Variants in IGF1 observed in about 807,000 individuals in gnomAD.
IGF1 encodes the protein insulin like growth factor 1.
In IGF1, 4 loss-of-function variants were observed where a neutral mutation model predicts 13.8. That is an observed-to-expected ratio of 0.29 (90% CI 0.14 to 0.66). The LOEUF (loss-of-function observed/expected upper bound fraction) is 0.66. Ranked by LOEUF, IGF1 falls within the 30% of genes least tolerant of loss-of-function variation. The pLI, the probability that IGF1 is intolerant of heterozygous loss-of-function variation, is 0.78. For missense variants in IGF1, 124 were observed against 188.5 expected (o/e 0.66, Z 2.00); for synonymous variants, 76 against 72.6 (o/e 1.05, Z -0.23).
chr12:102,480,459 G>A lies in IGF1; in HGVS notation c.-78C>T, dbSNP rs1230624821. 1.2e-6 allele frequency: 2 copies of A among 1,605,568 alleles called. No individual in the cohort carries two copies. Among genetic ancestry groups the A allele is most frequent in the African/African-American group, 2.7e-5 (2 of 74,820 alleles). On this transcript the variant is annotated 5_prime_UTR_variant, in exon 1 of 4. Transcript: ENST00000337514. ...CAAAAAGAAATCCAGAGAGATGGGAGATGTTGAGAGCAATGTCACATTTCA... is the reference window on the plus strand; with the variant it reads ...CAAAAAGAAATCCAGAGAGATGGGAAATGTTGAGAGCAATGTCACATTTCA...
At chr12:102,431,202 T>A (rs1255621521) in intron 2 of IGF1, among the ~76,000 whole-genome samples, 2 of 152,244 alleles carry the variant, frequency 1.3e-5, no homozygotes, top group Non-Finnish European at 2.9e-5. Flanking sequence ...AGTTAAGTTC[T>A]CTAACGTGAT....
At position 102,460,698 on chromosome 12, in the gene IGF1, G is replaced by T. The variant is rs75265378; in HGVS notation, c.220+14945C>A. ...TTTCATGAACAGCAGTAAACATTCT[G>T]GAAAAGGTATTAGAGATTATCTTGT... is the stretch of plus-strand genomic sequence containing the variant. On this transcript the variant is annotated intron_variant, in intron 2 of 3. Coordinates refer to ENST00000337514, the MANE Select transcript of IGF1 (RefSeq NM_000618.5). Among the ~76,000 whole-genome samples, 14 of 152,284 alleles carry T rather than the reference G, an allele frequency of 9.2e-5. No individual in the cohort carries two copies. In the East Asian group the frequency reaches 2.7e-3, roughly 29 times the overall value.
At chr12:102,461,933 A>G (rs1405722384) in intron 2 of IGF1, among the ~76,000 whole-genome samples, 2 of 152,236 alleles carry the variant, frequency 1.3e-5, no homozygotes, top group African/African-American at 2.4e-5. Flanking sequence ...GCCACGAATT[A>G]GCAAGTACCT....
chr12:102,453,629 GA>G (rs1879142742), intron 2 of IGF1, among the ~76,000 whole-genome samples: 1 of 152,194 alleles, frequency 6.6e-6, no homozygotes, highest in African/African-American at 2.4e-5. Context: ...CTCTTATGAT[GA>G]AGTTGGAAGA....
chr12:102,441,961 T>TCTTCTTCTTCTTCTTC (rs1592786145), intron 2 of IGF1, among the ~76,000 whole-genome samples: 12 of 13,980 alleles, frequency 8.6e-4, no homozygotes, highest in African/African-American at 1.2e-3. Flanking sequence ...TCTTCTTTTT[T>TCTTCTTCTTCTTCTTC]TTTTTTGAGA....
Position 102,471,969 on chromosome 12 carries a change from C to T in IGF1, c.220+3674G>A, listed in dbSNP as rs569866779. 1.4e-4 allele frequency among the ~76,000 whole-genome samples: 22 copies of T among 152,222 alleles called. No individual in the cohort carries two copies. The South Asian group carries it at 4.6e-3, about 32-fold the overall frequency. On this transcript the variant is annotated intron_variant, in intron 2 of 3. Transcript: ENST00000337514. ...CACTTCTCCTATTTCATTTGAAGCT[C>T]TTTTTCTCTTGGTGTTTTTCATGCA... is the stretch of plus-strand genomic sequence containing the variant.
intron 3 of IGF1, among the ~76,000 whole-genome samples, chr12:102,407,094 C>CAAAAAAAAAAAAAAAAAAAAAAAAAAAA (rs57468885): frequency 2.0e-5 from 2 of 100,982 alleles, no homozygotes; most frequent in African/African-American, 4.4e-5. Flanking sequence ...ACTCTGTCTC[C>CAAAAAAAAAAAAAAAAAAAAAAAAAAAA]AAAAAAAAAA....
At chr12:102,423,508 A>T (rs1875930534) in intron 2 of IGF1, among the ~76,000 whole-genome samples, 1 of 152,180 alleles carries the variant, frequency 6.6e-6, no homozygotes, top group African/African-American at 2.4e-5. Context: ...TAGACCAAAG[A>T]TTGCTTACCA....
intron 2 of IGF1, among the ~76,000 whole-genome samples, chr12:102,431,748 T>A (rs546974277): frequency 6.6e-6 from 1 of 152,300 alleles, no homozygotes; most frequent in East Asian, 1.9e-4. Context: ...GGCATCTAAA[T>A]GGACCCACTA....
chr12:102,481,079 A>G (rs976729300), upstream of IGF1, among the ~76,000 whole-genome samples: 1 of 152,208 alleles, frequency 6.6e-6, no homozygotes, highest in Admixed American at 6.5e-5. Context: ...CCCAGTTGCC[A>G]AGTGAGAGGT....
intron 2 of IGF1, among the ~76,000 whole-genome samples, chr12:102,472,401 A>T (rs769942612): frequency 6.6e-6 from 1 of 152,128 alleles, no homozygotes; most frequent in Non-Finnish European, 1.5e-5. Context: ...TTTTATTCAG[A>T]ACAGTTCTAA....
intron 2 of IGF1, among the ~76,000 whole-genome samples, chr12:102,447,611 C>T (rs943768288): frequency 3.3e-5 from 5 of 152,146 alleles, no homozygotes; most frequent in Admixed American, 6.5e-5. Context: ...AGCCTATGTG[C>T]GTCTTTGCAT....
intron 2 of IGF1, among the ~76,000 whole-genome samples, chr12:102,426,892 C>T (rs1020343844): frequency 6.6e-6 from 1 of 152,178 alleles, no homozygotes; most frequent in African/African-American, 2.4e-5. Context: ...ATTTCCTTTC[C>T]TCTTCTGCTA....
intron 2 of IGF1, among the ~76,000 whole-genome samples, chr12:102,448,072 CA>C (rs879668773): frequency 9.9e-4 from 128 of 128,946 alleles, no homozygotes; most frequent in Middle Eastern, 3.7e-3. Flanking sequence ...AACAAATTTA[CA>C]AAAAAAAAAA....
intron 3 of IGF1, among the ~76,000 whole-genome samples, chr12:102,402,784 C>T (rs543895796): frequency 5.3e-5 from 8 of 152,220 alleles, no homozygotes; most frequent in African/African-American, 9.6e-5. Context: ...CCCCTGGTGG[C>T]GTGAATACCA....
intron 2 of IGF1, among the ~76,000 whole-genome samples, chr12:102,453,210 G>T (rs770116786): frequency 2.0e-5 from 3 of 152,200 alleles, no homozygotes; most frequent in Non-Finnish European, 2.9e-5. Flanking sequence ...AATGTGTTAG[G>T]TGTGTGGCCT....
chr12:102,473,220 A>G (rs1042609296), intron 2 of IGF1, among the ~76,000 whole-genome samples: 1 of 152,210 alleles, frequency 6.6e-6, no homozygotes, highest in African/African-American at 2.4e-5. Flanking sequence ...AAAAACATAA[A>G]GGATATAATT....
intron 2 of IGF1, among the ~76,000 whole-genome samples, chr12:102,465,964 TAA>T (rs1472741014): frequency 1.3e-5 from 2 of 149,716 alleles, no homozygotes; most frequent in Admixed American, 6.7e-5. Context: ...AATAAATAAA[TAA>T]ATAAATAAAT....
At chr12:102,416,412 C>A (rs1875143553) in intron 3 of IGF1, among the ~76,000 whole-genome samples, 1 of 152,198 alleles carries the variant, frequency 6.6e-6, no homozygotes, top group African/African-American at 2.4e-5. Context: ...CTTTTCTTCA[C>A]CCTCAGGGAA....
Sources: gnomAD v4.1 joint callset for allele counts (sites outside exome capture counted in the v4.1 genomes callset) on GRCh38, gnomAD v4.1.1 for gene constraint, MANE v1.5 for transcripts, NCBI Gene and HGNC (gene_info 2026-07-23, HGNC 2026-07-21) for gene names.